IGF2BP2: variants seen among roughly 807,000 people sequenced by gnomAD.
IGF2BP2 encodes insulin-like growth factor 2 mRNA-binding protein 2.
In IGF2BP2, 17 loss-of-function variants were observed where a neutral mutation model predicts 75.8. The observed-to-expected ratio is 0.22, with a 90% CI of 0.15 to 0.34. IGF2BP2 has a LOEUF of 0.34. Ranked by LOEUF, IGF2BP2 falls within the 10% of genes least tolerant of loss-of-function variation. The pLI, the probability that IGF2BP2 is intolerant of heterozygous loss-of-function variation, is 1.00. For synonymous variants in IGF2BP2, 288 were observed against 295.6 expected, an observed-to-expected ratio of 0.97 and a Z score of 0.26; for missense variants, 516 against 772.4, an observed-to-expected ratio of 0.67 and a Z score of 3.93.
At chr3:185,820,897 G>T in intron 2 of IGF2BP2, 2 of 992,224 alleles carry the variant, frequency 2.0e-6, no homozygotes, top group South Asian at 1.7e-5. Flanking sequence ...ATATAGAATT[G>T]ACTTAACACT....
At chr3:185,666,606 G>C (rs1481018589) in intron 10 of IGF2BP2, among the ~76,000 whole-genome samples, 1 of 152,062 alleles carries the variant, frequency 6.6e-6, no homozygotes, top group Non-Finnish European at 1.5e-5. Flanking sequence ...TCCAGCCTGG[G>C]CGACAGAGCA....
intron 7 of IGF2BP2, 109 bp downstream of exon 7, chr3:185,686,948 G>A: frequency 8.1e-7 from 1 of 1,236,372 alleles, no homozygotes; most frequent in Non-Finnish European, 1.1e-6. Context: ...CCCTGCCTCT[G>A]TTACTGAGTA....
intron 6 of IGF2BP2, among the ~76,000 whole-genome samples, chr3:185,688,830 A>G (rs933046166): frequency 2.6e-5 from 4 of 152,232 alleles, no homozygotes; most frequent in Non-Finnish European, 5.9e-5. Context: ...CAACAATTCC[A>G]TAAGACGTTT....
chr3:185,658,168 A>T (rs992359281), intron 11 of IGF2BP2, among the ~76,000 whole-genome samples, 173 bp downstream of exon 11: 3 of 152,092 alleles, frequency 2.0e-5, no homozygotes, highest in East Asian at 1.9e-4. Context: ...CCTCAAGAGC[A>T]CTCGGGTGCT....
chr3:185,722,472 G>C lies in IGF2BP2; in HGVS notation c.240-24125C>G, dbSNP rs888091620. 8 of 297,648 alleles carry C rather than the reference G, an allele frequency of 2.7e-5. No homozygotes were observed. In the Admixed American group the frequency reaches 4.0e-4, roughly 15 times the overall value. The allele number at this position is 297,648 out of a possible 1,614,324, so 18.4% of individuals were successfully genotyped here. A position where few individuals can be genotyped will look rare whatever the true frequency, so the allele number is the denominator to read the frequency against. On this transcript the variant is annotated intron_variant, in intron 2 of 15. Transcript: ENST00000382199. ...ACTTTTATGAGGAGCAGTATTGATG[G>C]ATTTAAGTTTTCAATTTTATGTCAT...
intron 2 of IGF2BP2, among the ~76,000 whole-genome samples, chr3:185,805,501 G>A (rs1361442943): frequency 6.6e-6 from 1 of 152,144 alleles, no homozygotes; most frequent in Non-Finnish European, 1.5e-5. Context: ...ACCGGTCACT[G>A]GAGGTGGTTT....
intron 13 of IGF2BP2, among the ~76,000 whole-genome samples, chr3:185,651,174 G>C (rs745337816): frequency 6.6e-6 from 1 of 151,732 alleles, no homozygotes; most frequent in South Asian, 2.1e-4. Flanking sequence ...GCCTCCTAAA[G>C]TGTTGGGATT....
chr3:185,767,941 T>C (rs1733317595), intron 2 of IGF2BP2: 1 of 152,638 alleles, frequency 6.6e-6, no homozygotes, highest in African/African-American at 2.4e-5. Flanking sequence ...AATCCTTATA[T>C]TACTCTTTAA....
intron 2 of IGF2BP2, among the ~76,000 whole-genome samples, chr3:185,701,800 G>A (rs1045340685): frequency 5.9e-5 from 9 of 152,130 alleles, no homozygotes; most frequent in Admixed American, 4.6e-4. Context: ...AGATCACTAC[G>A]GTAGAACCAA....
intron 2 of IGF2BP2, among the ~76,000 whole-genome samples, chr3:185,774,333 C>T (rs1313606761): frequency 1.3e-5 from 2 of 152,148 alleles, no homozygotes; most frequent in East Asian, 1.9e-4. Context: ...TGGTGGTTCC[C>T]GCCTGTAAGG....
Position 185,686,384 on chromosome 3 carries a change from T to TA in IGF2BP2, c.812+672dup, listed in dbSNP as rs577060293. Among the ~76,000 whole-genome samples the TA allele has an allele frequency of 6.2e-3, 852 of 137,336 alleles. 6 individuals are homozygous for TA. Among genetic ancestry groups the TA allele is most frequent in the South Asian group, 0.017 (73 of 4,302 alleles). 90.1% of individuals were successfully genotyped at this position (137,336 alleles called of 152,430 possible). A position where few individuals can be genotyped will look rare whatever the true frequency, so the allele number is the denominator to read the frequency against. On this transcript the variant is annotated intron_variant, in intron 7 of 15. Transcript: ENST00000382199. ...AGGGCAACAGAGTGAGACTCTGTCT[T>TA]AAAAAAAAAAAAAGGAGAGGGGGGT...
At chr3:185,819,181 A>G (rs1348379510) in intron 2 of IGF2BP2, among the ~76,000 whole-genome samples, 1 of 152,166 alleles carries the variant, frequency 6.6e-6, no homozygotes, top group Non-Finnish European at 1.5e-5. Context: ...ATACCTGGCC[A>G]TAAGTATAAG....
chr3:185,751,689 G>C (rs1213789693), intron 2 of IGF2BP2, among the ~76,000 whole-genome samples: 2 of 151,754 alleles, frequency 1.3e-5, no homozygotes, highest in Non-Finnish European at 2.9e-5. Flanking sequence ...AAGAGGACAG[G>C]CACAGTGGTT....
intron 10 of IGF2BP2, among the ~76,000 whole-genome samples, chr3:185,662,662 C>T (rs1716659309): frequency 6.6e-6 from 1 of 151,194 alleles, no homozygotes; most frequent in Admixed American, 6.6e-5. Flanking sequence ...TCTGCCTCAG[C>T]CTCCTGAGAA....
intron 2 of IGF2BP2, among the ~76,000 whole-genome samples, chr3:185,801,958 T>C (rs187460119): frequency 3.3e-5 from 5 of 151,354 alleles, no homozygotes; most frequent in Admixed American, 2.0e-4. Flanking sequence ...TAAGTGGGAG[T>C]TGAATGAGAA....
At chr3:185,739,959 G>A (rs1421061876) in intron 2 of IGF2BP2, among the ~76,000 whole-genome samples, 1 of 144,606 alleles carries the variant, frequency 6.9e-6, no homozygotes, top group African/African-American at 2.6e-5. Flanking sequence ...AAGTTCAGGT[G>A]ATTCTCCCAC....
chr3:185,677,068 T>TATATATATATTATATATATATATAG, intron 7 of IGF2BP2, among the ~76,000 whole-genome samples: 1 of 35,862 alleles, frequency 2.8e-5, no homozygotes, highest in African/African-American at 1.6e-4. Context: ...TATATATATA[T>TATATATATATTATATATATATATAG]AGAGAGAGAG....
chr3:185,679,272 G>C (rs1049195777), intron 7 of IGF2BP2, among the ~76,000 whole-genome samples: 4 of 151,534 alleles, frequency 2.6e-5, no homozygotes, highest in African/African-American at 9.7e-5. Flanking sequence ...CGTTCTCATA[G>C]ATTTTTTCTT....
chr3:185,700,998 T>C (rs1723216234), intron 2 of IGF2BP2, among the ~76,000 whole-genome samples: 1 of 152,216 alleles, frequency 6.6e-6, no homozygotes, highest in African/African-American at 2.4e-5. Context: ...TACCTGTTAT[T>C]CAATGTGTAT....
Sources: gnomAD v4.1 joint callset for allele counts (sites outside exome capture counted in the v4.1 genomes callset) on GRCh38, gnomAD v4.1.1 for gene constraint, MANE v1.5 for transcripts, NCBI Gene and HGNC (gene_info 2026-07-23, HGNC 2026-07-21) for gene names.